The following HIPK2 variants were observed in gnomAD, a reference collection of about 807,000 sequenced individuals.
HIPK2 encodes the protein homeodomain-interacting protein kinase 2.
A neutral mutation model predicts 113.7 loss-of-function variants in HIPK2; 27 were observed. The observed-to-expected ratio is 0.24, with a 90% CI of 0.17 to 0.33. HIPK2 has a LOEUF of 0.33. Ranked by LOEUF, HIPK2 falls within the 10% of genes least tolerant of loss-of-function variation. The pLI, the probability that HIPK2 is intolerant of heterozygous loss-of-function variation, is 1.00. For synonymous variants in HIPK2, 631 were observed against 642.2 expected, an observed-to-expected ratio of 0.98 and a Z score of 0.26; for missense variants, 1,257 against 1,588.0, an observed-to-expected ratio of 0.79 and a Z score of 3.54.
chr7:139,725,945 G>A (rs1795561898), intron 1 of HIPK2, among the ~76,000 whole-genome samples: 1 of 152,102 alleles, frequency 6.6e-6, no homozygotes, highest in African/African-American at 2.4e-5. Context: ...CAAACAACGA[G>A]ATGAGTCCCA....
At chr7:139,651,068 G>A (rs1191951892) in intron 2 of HIPK2, among the ~76,000 whole-genome samples, 1 of 152,228 alleles carries the variant, frequency 6.6e-6, no homozygotes, top group Non-Finnish European at 1.5e-5. Flanking sequence ...GCGTCTCTAA[G>A]AGGGGAGGGA....
chr7:139,651,794 A>C (rs1432980008), intron 2 of HIPK2, among the ~76,000 whole-genome samples: 1 of 152,262 alleles, frequency 6.6e-6, no homozygotes, highest in African/African-American at 2.4e-5. Flanking sequence ...ATGTAAAATG[A>C]TTATTCCACT....
At chr7:139,775,071 C>T (rs1012259671) in intron 1 of HIPK2, among the ~76,000 whole-genome samples, 1 of 152,236 alleles carries the variant, frequency 6.6e-6, no homozygotes, top group African/African-American at 2.4e-5. Context: ...GGTGCAGCAG[C>T]ACCCCATTGA....
intron 11 of HIPK2, among the ~76,000 whole-genome samples, chr7:139,599,502 TG>T (rs1799345645): frequency 6.6e-6 from 1 of 152,236 alleles, no homozygotes; most frequent in African/African-American, 2.4e-5. Context: ...AGCCTTTTGT[TG>T]ACCTTGATTT....
At chr7:139,772,016 T>C (rs532330934) in intron 1 of HIPK2, among the ~76,000 whole-genome samples, 31 of 152,250 alleles carry the variant, frequency 2.0e-4, no homozygotes, top group Middle Eastern at 3.4e-3. Flanking sequence ...AAAAAATAAT[T>C]AAATAAATAA....
chr7:139,710,101 T>C (rs1185445926), intron 2 of HIPK2, among the ~76,000 whole-genome samples: 1 of 152,138 alleles, frequency 6.6e-6, no homozygotes, highest in East Asian at 1.9e-4. Context: ...AATTGATTTA[T>C]ACCATCATTA....
intron 12 of HIPK2, among the ~76,000 whole-genome samples, chr7:139,595,588 C>G (rs73485546): frequency 0.012 from 1,766 of 152,236 alleles, 29 homozygotes; most frequent in African/African-American, 0.039. Context: ...GACAATTAGG[C>G]TGTACCTAAT....
intron 1 of HIPK2, among the ~76,000 whole-genome samples, chr7:139,767,425 A>T (rs1333675705): frequency 6.6e-6 from 1 of 152,258 alleles, no homozygotes; most frequent in Non-Finnish European, 1.5e-5. Context: ...ACAGTCAAAG[A>T]ATAAACAGGT....
intron 1 of HIPK2, chr7:139,776,909 A>AT (rs912665823): frequency 1.3e-5 from 2 of 152,156 alleles, no homozygotes; most frequent in Non-Finnish European, 1.5e-5. Context: ...ATGGGGAAAA[A>AT]TACCCCGATG....
At position 139,760,695 on chromosome 7, in the gene HIPK2, A is replaced by C. The variant is rs138869385; in HGVS notation, c.19+16910T>G. 3.0e-4 allele frequency among the ~76,000 whole-genome samples: 45 copies of C among 152,366 alleles called. No homozygotes were observed. The East Asian group carries it at 7.7e-3, about 26-fold the overall frequency. ...AATTACTAAGGAAAGTGAAAGCATA[A>C]GGATTTTAAAACTAAACTGGACATG... On this transcript the variant is annotated intron_variant, in intron 1 of 14. Transcript: ENST00000406875.
At chr7:139,761,189 C>G (rs1585462361) in intron 1 of HIPK2, among the ~76,000 whole-genome samples, 1 of 152,178 alleles carries the variant, frequency 6.6e-6, no homozygotes, top group South Asian at 2.1e-4. Flanking sequence ...CGGCCCCAGG[C>G]AGTACAGGAA....
At chr7:139,682,277 A>T (rs935237744) in intron 2 of HIPK2, among the ~76,000 whole-genome samples, 1 of 152,098 alleles carries the variant, frequency 6.6e-6, no homozygotes, top group African/African-American at 2.4e-5. Context: ...TCAAACATCC[A>T]CTGAGAGCCC....
Position 139,566,602 on chromosome 7 carries a change from T to G in HIPK2, c.*6325A>C, listed in dbSNP as rs1020079311. ...GGCCCATCACTGCTTTATCCTTCCT[T>G]CAACACCTGCCACTTCTCAGAGCAT... On this transcript the variant is annotated 3_prime_UTR_variant, in exon 15 of 15. Coordinates refer to ENST00000406875, the MANE Select transcript of HIPK2 (RefSeq NM_022740.5). The surrounding 1 kb of genome is among the most constrained non-coding windows in gnomAD (Gnocchi z 4.1). 2 of 152,216 alleles carry G rather than the reference T, an allele frequency of 1.3e-5. No individual in the cohort carries two copies. Among genetic ancestry groups the G allele is most frequent in the African/African-American group, 4.8e-5 (2 of 41,450 alleles). 9.4% of individuals were successfully genotyped at this position (152,216 alleles called of 1,614,324 possible).
Position 139,583,782 on chromosome 7 carries a change from G to GGA in HIPK2, c.2965+33_2965+34dup, listed in dbSNP as rs772746485. ...GAAAAGCAGGAAAACCACTCTCCAG[G>GGA]GAGAGGTTCCTGCCCTGTCCTGGCC... On this transcript the variant is annotated intron_variant, in intron 13 of 14. Transcript: ENST00000406875. 6.3e-6 allele frequency: 10 copies of GGA among 1,595,886 alleles called. 1 individual carries two copies. In the African/African-American group the frequency reaches 1.3e-4, roughly 21 times the overall value.
At chr7:139,713,483 C>T (rs939348287) in intron 2 of HIPK2, among the ~76,000 whole-genome samples, 4 of 152,164 alleles carry the variant, frequency 2.6e-5, no homozygotes, top group Admixed American at 2.6e-4. Flanking sequence ...GTCACATGGG[C>T]ACCAGAAGGC....
In HIPK2 at chr7:139,569,360, A is replaced by G. The variant is rs1798192103; in HGVS notation, c.*3567T>C. On this transcript the variant is annotated 3_prime_UTR_variant, in exon 15 of 15. Transcript: ENST00000406875. ...CCTAAGCCACGCCCCAGGTGCGCCG[A>G]TGGCAAAAGGATGGATTGTGGGGAA... 6.6e-6 allele frequency: 1 copy of G among 152,264 alleles called. No individual in the cohort carries two copies. The highest frequency in any genetic ancestry group is 2.1e-4 in the South Asian group (1 of 4,824). 9.4% of individuals were successfully genotyped at this position (152,264 alleles called of 1,614,324 possible). A position where few individuals can be genotyped will look rare whatever the true frequency, so the allele number is the denominator to read the frequency against.
At position 139,561,607 on chromosome 7, in the gene HIPK2, A is replaced by G. The variant is rs1797949080; in HGVS notation, c.*11320T>C. 6.6e-6 allele frequency: 1 copy of G among 152,256 alleles called. No individual in the cohort carries two copies. Among genetic ancestry groups the G allele is most frequent in the Non-Finnish European group, 1.5e-5 (1 of 68,050 alleles). The allele number at this position is 152,256 out of a possible 1,614,324, so 9.4% of individuals were successfully genotyped here. On this transcript the variant is annotated 3_prime_UTR_variant, in exon 15 of 15. Coordinates refer to ENST00000406875, the MANE Select transcript of HIPK2 (RefSeq NM_022740.5). The stretch of plus-strand genomic sequence containing the variant: ...AAACAGTTTAATGTAATTCCAAGAC[A>G]AAGTGTGATTACATTTCTACACATA...
At chr7:139,748,386 G>A (rs1349936936) in intron 1 of HIPK2, among the ~76,000 whole-genome samples, 1 of 151,986 alleles carries the variant, frequency 6.6e-6, no homozygotes, top group African/African-American at 2.4e-5. Context: ...CAAGCTGGGG[G>A]GCATAATCAA....
chr7:139,620,040 G>A (rs955494768), intron 7 of HIPK2, among the ~76,000 whole-genome samples: 3 of 152,162 alleles, frequency 2.0e-5, no homozygotes, highest in Non-Finnish European at 4.4e-5. Context: ...TGGGGTTATA[G>A]GCATGAGCCA....
Sources: gnomAD v4.1 joint callset for allele counts (sites outside exome capture counted in the v4.1 genomes callset) on GRCh38, gnomAD v4.1.1 for gene constraint, Gnocchi (gnomAD v3.1) non-coding constraint, MANE v1.5 for transcripts, NCBI Gene and HGNC (gene_info 2026-07-23, HGNC 2026-07-21) for gene names.